Variants in LETMD1 observed in about 807,000 individuals in gnomAD.
LETMD1 encodes the protein LETM1 domain-containing protein 1.
LETMD1 carries 30 observed loss-of-function variants against 43.9 expected under a neutral mutation model. That is an observed-to-expected ratio of 0.68 (90% CI 0.51 to 0.93). LETMD1 has a LOEUF of 0.93. Ranked by LOEUF, LETMD1 falls within the 40% of genes least tolerant of loss-of-function variation. The probability of loss-of-function intolerance (pLI) is 0.00; values close to 1 mark genes in which losing one functional copy is unlikely to be tolerated. For synonymous variants in LETMD1, 176 were observed against 163.1 expected (o/e 1.08, Z -0.60); for missense variants, 413 against 447.7 (o/e 0.92, Z 0.70).
intron 7 of LETMD1, 43 bp downstream of exon 7, chr12:51,056,545 C>T: frequency 6.2e-7 from 1 of 1,611,474 alleles, no homozygotes; most frequent in Non-Finnish European, 8.5e-7. Flanking sequence ...CCTTGGTGTG[C>T]TTTTGAGCCT....
rs760854336 is a variant in LETMD1 at position 51,052,221 on chromosome 12, G to C, written c.390+14G>C. ...CATTTGAGACAGGTATGGGCCAGGG[G>C]CAGATATCCAGAAGTTCATGGTGAG... On this transcript the variant is annotated intron_variant, in intron 3 of 8. Coordinates refer to ENST00000262055, the MANE Select transcript of LETMD1 (RefSeq NM_015416.5). 1 of 1,613,238 alleles carries C rather than the reference G, an allele frequency of 6.2e-7. No individual in the cohort carries two copies. The highest frequency in any genetic ancestry group is 2.2e-5 in the East Asian group (1 of 44,870).
At chr12:51,064,142 C>A (rs1281698376), downstream of LETMD1, 2 of 1,614,172 alleles carry the variant, frequency 1.2e-6, no homozygotes, top group Non-Finnish European at 1.7e-6. Flanking sequence ...GCCCACTGTT[C>A]AAGTAGGATG....
At chr12:51,048,590 AT>A in intron 1 of LETMD1, 112 bp downstream of exon 1, 1 of 1,383,124 alleles carries the variant, frequency 7.2e-7, no homozygotes, top group Non-Finnish European at 9.9e-7. Flanking sequence ...TGGCCCTGGA[AT>A]TTTTATTCTT....
At chr12:51,058,407 C>CTTTATTTA (rs576867748) in intron 8 of LETMD1, 22 of 365,106 alleles carry the variant, frequency 6.0e-5, no homozygotes, top group African/African-American at 3.0e-4. Flanking sequence ...ATATCCTGTG[C>CTTTATTTA]TTTATTTATT....
chr12:51,050,394 T>C (rs1014024095), intron 2 of LETMD1, among the ~76,000 whole-genome samples: 2 of 151,900 alleles, frequency 1.3e-5, no homozygotes, highest in Non-Finnish European at 2.9e-5. Flanking sequence ...GGCTAATTTT[T>C]TTATTTTTAG....
chr12:51,064,300 T>C, downstream of LETMD1: 2 of 1,613,850 alleles, frequency 1.2e-6, no homozygotes, highest in East Asian at 4.5e-5. Flanking sequence ...TCCTCTAGGA[T>C]GCACACACCC....
At position 51,056,511 on chromosome 12, in the gene LETMD1, T is replaced by G; in HGVS notation, c.915+9T>G. 1.2e-6 allele frequency: 2 copies of G among 1,614,154 alleles called. No individual in the cohort carries two copies. Among genetic ancestry groups the G allele is most frequent in the South Asian group, 1.1e-5 (1 of 91,090 alleles). On this transcript the variant is annotated intron_variant, in intron 7 of 8. Transcript: ENST00000262055. Reference sequence around the variant, plus strand: ...CTCAGGAAGTAAAATCGGTAAGAGCTTGATTGCAACATCAACCCTCAACCC... The same window carrying G: ...CTCAGGAAGTAAAATCGGTAAGAGCGTGATTGCAACATCAACCCTCAACCC...
chr12:51,054,172 A>G (rs79195827), intron 4 of LETMD1, among the ~76,000 whole-genome samples: 3 of 152,200 alleles, frequency 2.0e-5, no homozygotes, highest in East Asian at 3.9e-4. Context: ...CTTTTAGACT[A>G]ATTTCTTTAG....
chr12:51,056,718 A>G, intron 7 of LETMD1: 1 of 407,334 alleles, frequency 2.5e-6, no homozygotes, highest in Admixed American at 4.1e-5. Flanking sequence ...ACAGTGGCAC[A>G]GTCTTGGCTC....
chr12:51,055,138 G>T (rs1455103084), intron 4 of LETMD1, among the ~76,000 whole-genome samples: 1 of 151,906 alleles, frequency 6.6e-6, no homozygotes, highest in Non-Finnish European at 1.5e-5. Context: ...TTACATACTG[G>T]GTCCACATAA....
chr12:51,052,332 CA>C, intron 3 of LETMD1, 125 bp downstream of exon 3: 3 of 1,133,496 alleles, frequency 2.6e-6, no homozygotes, highest in Non-Finnish European at 3.7e-6. Context: ...GCCGTGAGAA[CA>C]AAATATTGAA....
chr12:51,060,638 C>CA (rs1948778285), downstream of LETMD1, among the ~76,000 whole-genome samples: 1 of 152,134 alleles, frequency 6.6e-6, no homozygotes, highest in Admixed American at 6.5e-5. Flanking sequence ...CGCGGCGGCT[C>CA]ACGCCTGTAA....
downstream of LETMD1, chr12:51,063,940 T>A: frequency 6.2e-7 from 1 of 1,613,082 alleles, no homozygotes; most frequent in South Asian, 1.1e-5. Context: ...GCTTCTAGGG[T>A]GGGTGTTTTC....
Position 51,048,363 on chromosome 12 carries a change from C to G in LETMD1, c.7C>G (p.Leu3Val), listed in dbSNP as rs1592504610. The G allele has an allele frequency of 1.2e-6, 2 of 1,614,126 alleles. No individual in the cohort carries two copies. The highest frequency in any genetic ancestry group is 1.1e-5 in the South Asian group (1 of 91,078). MA[L>V]SRVCWARSAV... ...CGCTTCTCTCGCTGTGAAGATGGCG[C>G]TCTCCAGGGTGTGCTGGGCTCGGTC... is the stretch of plus-strand genomic sequence containing the variant. The change falls in exon 1 of 9, where the codon CTC becomes GTC. Residue 3 changes from leucine to valine, a missense_variant. Coordinates refer to ENST00000262055, the MANE Select transcript of LETMD1 (RefSeq NM_015416.5).
At chr12:51,053,979 C>A in intron 4 of LETMD1, 119 bp downstream of exon 4, 1 of 718,956 alleles carries the variant, frequency 1.4e-6, no homozygotes, top group Non-Finnish European at 2.4e-6. Flanking sequence ...ACTTCTGCTC[C>A]AATCTTCTCA....
Position 51,052,077 on chromosome 12 carries a change from A to G in LETMD1, c.275-15A>G, listed in dbSNP as rs1566101051. 1.9e-6 allele frequency: 3 copies of G among 1,611,750 alleles called. No individual in the cohort carries two copies. Among genetic ancestry groups the G allele is most frequent in the South Asian group, 1.1e-5 (1 of 90,688 alleles). On this transcript the variant is annotated splice_polypyrimidine_tract_variant and intron_variant, in intron 2 of 8. Transcript: ENST00000262055. ...GGGATAACATCACACTCTGTCCTCTACTTTAATGAGGCAGGATTGCAGATG... is the reference window on the plus strand; with the variant it reads ...GGGATAACATCACACTCTGTCCTCTGCTTTAATGAGGCAGGATTGCAGATG...
In LETMD1 at chr12:51,049,149, C is replaced by T. The variant is rs1338989343; in HGVS notation, c.238C>T (p.Pro80Ser). The change falls in exon 2 of 9, where the codon CCC (proline) becomes TCC (serine). Residue 80 changes from proline (P) to serine (S), a missense_variant. Coordinates refer to ENST00000262055, the MANE Select transcript of LETMD1 (RefSeq NM_015416.5). ...KYHRFLGRHF[P>S]RFYVLYTIFM... Reference sequence around the variant, plus strand: ...CCATCGTTTCTTGGGTCGTCATTTCCCCCGCTTCTATGTCCTGTACACAAT... The same window carrying T: ...CCATCGTTTCTTGGGTCGTCATTTCTCCCGCTTCTATGTCCTGTACACAAT... 1.6e-5 allele frequency: 26 copies of T among 1,613,864 alleles called. No homozygotes were observed. The highest frequency in any genetic ancestry group is 2.0e-5 in the Non-Finnish European group (24 of 1,179,924).
chr12:51,050,692 C>T (rs542841160), intron 2 of LETMD1, among the ~76,000 whole-genome samples: 2 of 152,022 alleles, frequency 1.3e-5, no homozygotes, highest in South Asian at 4.2e-4. Context: ...ACATGTAAAT[C>T]ATTGATAAAT....
chr12:51,057,943 A>G, intron 7 of LETMD1, 89 bp from the exon 8 acceptor site: 1 of 951,324 alleles, frequency 1.1e-6, no homozygotes, highest in Non-Finnish European at 1.7e-6. Flanking sequence ...ACTTATTTAA[A>G]GGAGATTTAG....
Sources: allele counts gnomAD v4.1 joint callset (sites outside exome capture counted in the v4.1 genomes callset), GRCh38; gene constraint gnomAD v4.1.1; transcripts MANE v1.5; gene names NCBI Gene and HGNC (gene_info 2026-07-23, HGNC 2026-07-21).